Variants in MACROD2 observed in about 807,000 individuals in gnomAD.
MACROD2 encodes the protein ADP-ribose glycohydrolase MACROD2.
A neutral mutation model predicts 70.4 loss-of-function variants in MACROD2; 36 were observed. That is an observed-to-expected ratio of 0.51 (90% CI 0.39 to 0.68). MACROD2 has a LOEUF of 0.68. MACROD2 is among the 30% of genes least tolerant of loss of function. MACROD2 has a pLI of 0.00. For missense variants in MACROD2, 496 were observed against 538.4 expected (o/e 0.92, Z 0.78); for synonymous variants, 172 against 178.8 (o/e 0.96, Z 0.30).
At chr20:15,467,339 T>A (rs1290045396) in intron 7 of MACROD2, among the ~76,000 whole-genome samples, 1 of 152,268 alleles carries the variant, frequency 6.6e-6, no homozygotes, top group African/African-American at 2.4e-5. Flanking sequence ...GTCCTTCAAA[T>A]ATATTTGTTT....
At chr20:15,051,975 C>T (rs1174653979) in intron 5 of MACROD2, among the ~76,000 whole-genome samples, 1 of 152,006 alleles carries the variant, frequency 6.6e-6, no homozygotes, top group Non-Finnish European at 1.5e-5. Flanking sequence ...ATGGTCTCGA[C>T]CTTTTGACCT....
At chr20:15,006,938 AAG>A (rs1296123837) in intron 5 of MACROD2, among the ~76,000 whole-genome samples, 6 of 152,208 alleles carry the variant, frequency 3.9e-5, no homozygotes, top group African/African-American at 9.7e-5. Context: ...GGTGAACAAA[AAG>A]AGTGTTTTTT....
intron 6 of MACROD2, among the ~76,000 whole-genome samples, chr20:15,305,962 A>G (rs1037888758): frequency 6.6e-6 from 1 of 152,198 alleles, no homozygotes; most frequent in Non-Finnish European, 1.5e-5. Flanking sequence ...CACAATGTGA[A>G]TTGGATATCC....
chr20:15,535,927 C>T (rs2047868335), intron 8 of MACROD2, among the ~76,000 whole-genome samples: 1 of 152,132 alleles, frequency 6.6e-6, no homozygotes, highest in Admixed American at 6.6e-5. Context: ...CAATATAAGA[C>T]ATGAAAGAAT....
chr20:15,449,350 C>T (rs1003789396), intron 7 of MACROD2, among the ~76,000 whole-genome samples: 9 of 152,016 alleles, frequency 5.9e-5, no homozygotes, highest in African/African-American at 4.8e-5. Context: ...GTAGCACTGA[C>T]GTTAACAAGG....
intron 8 of MACROD2, among the ~76,000 whole-genome samples, chr20:15,810,370 G>T (rs1273652464): frequency 3.3e-5 from 5 of 151,462 alleles, no homozygotes; most frequent in Admixed American, 3.3e-4. Context: ...AGTCCTTTGG[G>T]TATATACCCA....
intron 8 of MACROD2, among the ~76,000 whole-genome samples, chr20:15,585,372 A>G (rs1440413981): frequency 6.6e-6 from 1 of 151,370 alleles, no homozygotes; most frequent in Non-Finnish European, 1.5e-5. Flanking sequence ...AATTTTTTGT[A>G]TTTTTAGTAG....
At chr20:14,336,993 A>C (rs573640194) in intron 3 of MACROD2, among the ~76,000 whole-genome samples, 3 of 152,224 alleles carry the variant, frequency 2.0e-5, no homozygotes, top group Non-Finnish European at 4.4e-5. Flanking sequence ...GGGATTATTG[A>C]TTTTCTTTCA....
At chr20:14,222,813 G>GGAA (rs1555938552) in intron 3 of MACROD2, among the ~76,000 whole-genome samples, 2 of 132,948 alleles carry the variant, frequency 1.5e-5, no homozygotes, top group Non-Finnish European at 3.2e-5. Flanking sequence ...TTGGATTTCT[G>GGAA]AAAAAAAAAA....
chr20:14,802,452 G>A (rs555506912), intron 5 of MACROD2, among the ~76,000 whole-genome samples: 6 of 152,086 alleles, frequency 3.9e-5, no homozygotes, highest in South Asian at 2.1e-4. Flanking sequence ...AAGTTCAGAA[G>A]CATTAAAACT....
intron 5 of MACROD2, among the ~76,000 whole-genome samples, chr20:15,169,268 CTT>C (rs937083227): frequency 6.6e-6 from 1 of 152,092 alleles, no homozygotes. Context: ...CTTTTCCCAA[CTT>C]TTTTAAGAAT....
chr20:14,712,639 G>A (rs2071351496), intron 5 of MACROD2, among the ~76,000 whole-genome samples: 1 of 152,162 alleles, frequency 6.6e-6, no homozygotes, highest in Non-Finnish European at 1.5e-5. Flanking sequence ...ACATTGCACT[G>A]ATTCAAATAG....
rs551175142 is a variant in MACROD2, at chr20:14,952,147, T to C, written c.418+267188T>C. 1.7e-4 allele frequency among the ~76,000 whole-genome samples: 26 copies of C among 152,270 alleles called. No individual in the cohort carries two copies. The South Asian group carries it at 5.2e-3, about 30-fold the overall frequency. ...AGCTATCAGATTACAGCTCTAATTC[T>C]AACTAATTGTGCATGGAATTTGCAT... On this transcript the variant is annotated intron_variant, in intron 5 of 17. Coordinates refer to ENST00000684519, the MANE Select transcript of MACROD2 (RefSeq NM_001351661.2).
At position 14,548,447 on chromosome 20, in the gene MACROD2, G is replaced by A. The variant is rs1371900909; in HGVS notation, c.301+54939G>A. Among the ~76,000 whole-genome samples the A allele has an allele frequency of 1.4e-4, 2 of 14,556 alleles. 1 individual carries two copies. The highest frequency in any genetic ancestry group is 3.9e-4 in the Non-Finnish European group (2 of 5,158). 9.5% of individuals were successfully genotyped at this position (14,556 alleles called of 152,430 possible). ...TAAAATACATTATCTGGCCGGGCGC[G>A]GTGGCTCACGCCTGTAATCCCAGCA... On this transcript the variant is annotated intron_variant, in intron 4 of 17. Transcript: ENST00000684519.
intron 3 of MACROD2, among the ~76,000 whole-genome samples, chr20:14,458,817 A>C (rs1349956072): frequency 6.6e-6 from 1 of 152,044 alleles, no homozygotes; most frequent in Non-Finnish European, 1.5e-5. Context: ...TGAGTGAAAA[A>C]TTAAGTGCTT....
At chr20:15,078,486 T>C (rs1187698132) in intron 5 of MACROD2, among the ~76,000 whole-genome samples, 2 of 152,122 alleles carry the variant, frequency 1.3e-5, no homozygotes, top group African/African-American at 2.4e-5. Flanking sequence ...TGTTGTTAGG[T>C]GATATAGGCT....
chr20:14,572,477 A>C (rs902041925), intron 4 of MACROD2, among the ~76,000 whole-genome samples: 1 of 152,160 alleles, frequency 6.6e-6, no homozygotes, highest in Non-Finnish European at 1.5e-5. Context: ...AAGACTGCAT[A>C]AGAATCTCGA....
chr20:14,126,009 C>T (rs1406800600), intron 3 of MACROD2, among the ~76,000 whole-genome samples: 2 of 151,736 alleles, frequency 1.3e-5, no homozygotes, highest in African/African-American at 4.8e-5. Context: ...CCCCTTTTTC[C>T]CTTCAGGGTG....
At chr20:15,470,100 C>T (rs8118633) in intron 7 of MACROD2, among the ~76,000 whole-genome samples, 1 of 151,618 alleles carries the variant, frequency 6.6e-6, no homozygotes, top group Non-Finnish European at 1.5e-5. Context: ...CCCAGATTGG[C>T]GTATAATGGT....
Sources: gnomAD v4.1 joint callset for allele counts (sites outside exome capture counted in the v4.1 genomes callset) on GRCh38, gnomAD v4.1.1 for gene constraint, MANE v1.5 for transcripts, NCBI Gene and HGNC (gene_info 2026-07-23, HGNC 2026-07-21) for gene names.